The following SLC30A5 variants were observed in gnomAD, a reference collection of about 807,000 sequenced individuals.
SLC30A5 encodes solute carrier family 30 member 5.
Under a neutral mutation model 79.6 loss-of-function variants are expected in SLC30A5, and 33 were observed. That is an observed-to-expected ratio of 0.41 (90% CI 0.31 to 0.55). SLC30A5 has a LOEUF of 0.55. Ranked by LOEUF, SLC30A5 falls within the 20% of genes least tolerant of loss-of-function variation. SLC30A5 has a pLI of 0.20. For missense variants in SLC30A5, 788 were observed against 928.1 expected, an observed-to-expected ratio of 0.85 and a Z score of 1.96; for synonymous variants, 299 against 319.7, an observed-to-expected ratio of 0.94 and a Z score of 0.69.
At chr5:69,098,387 A>G (rs560032693) in intron 1 of SLC30A5, among the ~76,000 whole-genome samples, 8 of 152,218 alleles carry the variant, frequency 5.3e-5, no homozygotes, top group Non-Finnish European at 1.2e-4. Flanking sequence ...TTAGCCTGAC[A>G]TGGTGGCAGG....
chr5:69,096,193 C>G (rs74510059), intron 1 of SLC30A5, among the ~76,000 whole-genome samples: 4,127 of 152,254 alleles, frequency 0.027, 179 homozygotes, highest in African/African-American at 0.093. Flanking sequence ...GTAACTTACT[C>G]TCAAATAGTC....
chr5:69,100,959 ATTT>A, intron 2 of SLC30A5, 30 bp downstream of exon 2: 2 of 1,529,344 alleles, frequency 1.3e-6, no homozygotes, highest in Non-Finnish European at 1.8e-6. Context: ...TTTTCTTGAT[ATTT>A]TTTATTTCTT....
rs528306987 is a variant in SLC30A5, at chr5:69,094,055, A to C, written c.-201A>C. Reference sequence around the variant, plus strand: ...CTTCCCGGGAACCTGGCGCCGCCGGAACTGATCGCGGCCTAGTCCCGACGC... The same window carrying C: ...CTTCCCGGGAACCTGGCGCCGCCGGCACTGATCGCGGCCTAGTCCCGACGC... On this transcript the variant is annotated 5_prime_UTR_variant, in exon 1 of 16. Coordinates refer to ENST00000396591, the MANE Select transcript of SLC30A5 (RefSeq NM_022902.5). 1 of 396,096 alleles carries C rather than the reference A, an allele frequency of 2.5e-6. No homozygotes were observed. The highest frequency in any genetic ancestry group is 2.1e-5 in the African/African-American group (1 of 48,508). 24.5% of individuals were successfully genotyped at this position (396,096 alleles called of 1,614,324 possible). A position where few individuals can be genotyped will look rare whatever the true frequency, so the allele number is the denominator to read the frequency against.
intron 14 of SLC30A5, among the ~76,000 whole-genome samples, chr5:69,127,188 CAAAT>C (rs1168667456): frequency 6.6e-6 from 1 of 152,092 alleles, no homozygotes; most frequent in Non-Finnish European, 1.5e-5. Context: ...CTCTATATAA[CAAAT>C]AATGTGCATA....
Position 69,123,290 on chromosome 5 carries a change from T to C in SLC30A5, c.1863T>C (p.Ala621=), listed in dbSNP as rs769348556. Residue 621 remains alanine (A), a synonymous_variant, in exon 14 of 16, where the codon GCT becomes GCC. Coordinates refer to ENST00000396591, the MANE Select transcript of SLC30A5 (RefSeq NM_022902.5). The part of the protein sequence containing the change: ...VLIEQFGWFI[A]DPLCSLFIAI... ...TAGAGCAGTTTGGATGGTTCATCGC[T>C]GACCCACTCTGTTCTCTTTTTATTG... 4 of 1,614,100 alleles carry C rather than the reference T, an allele frequency of 2.5e-6. No individual in the cohort carries two copies. In the South Asian group the frequency reaches 4.4e-5, roughly 18 times the overall value.
chr5:69,107,121 C>T (rs752849095), intron 4 of SLC30A5, among the ~76,000 whole-genome samples: 1 of 152,176 alleles, frequency 6.6e-6, no homozygotes, highest in Non-Finnish European at 1.5e-5. Flanking sequence ...TCTCACCCTC[C>T]CAAAGTGCTG....
At chr5:69,096,669 C>T (rs539856785) in intron 1 of SLC30A5, among the ~76,000 whole-genome samples, 1 of 152,192 alleles carries the variant, frequency 6.6e-6, no homozygotes, top group Non-Finnish European at 1.5e-5. Flanking sequence ...CCAGAAGGAC[C>T]CTTCTGGAAA....
chr5:69,123,594 A>C, intron 14 of SLC30A5, 169 bp downstream of exon 14: 1 of 588,492 alleles, frequency 1.7e-6, no homozygotes, highest in Non-Finnish European at 3.0e-6. Context: ...GAAATATGCA[A>C]GATATAAATG....
Position 69,116,485 on chromosome 5 carries a change from G to C in SLC30A5, c.1164G>C (p.Met388Ile), listed in dbSNP as rs1746376593. 1.2e-6 allele frequency: 2 copies of C among 1,612,506 alleles called. No homozygotes were observed. Among genetic ancestry groups the C allele is most frequent in the African/African-American group, 2.7e-5 (2 of 74,868 alleles). The stretch of plus-strand genomic sequence containing the variant: ...AAGGAACACCTCTTTATAACTTCAT[G>C]GGTGATGCTTTTCAGCATAGCTCTC... ...SPEGTPLYNFMGDAFQHSSQS... is the reference protein window; with the variant it reads ...SPEGTPLYNFIGDAFQHSSQS... The change falls in exon 10 of 16, where the codon ATG (methionine) becomes ATC (isoleucine). Residue 388 changes from methionine to isoleucine, a missense_variant. Physicochemically the swap from Met to Ile is conservative, Grantham distance 10. Transcript: ENST00000396591. This position sits in a 1 kb window ranked among gnomAD's most constrained non-coding sequence, Gnocchi z 4.0.
intron 12 of SLC30A5, 113 bp downstream of exon 12, chr5:69,118,741 A>G: frequency 1.4e-6 from 1 of 738,744 alleles, no homozygotes; most frequent in Non-Finnish European, 2.0e-6. Flanking sequence ...TTTTTTACTT[A>G]TATCAACATA....
intron 14 of SLC30A5, among the ~76,000 whole-genome samples, chr5:69,124,301 A>G (rs1217910389): frequency 6.6e-6 from 1 of 152,036 alleles, no homozygotes; most frequent in Non-Finnish European, 1.5e-5. Context: ...ATGAAAATAA[A>G]TGAAGAATTA....
intron 2 of SLC30A5, among the ~76,000 whole-genome samples, chr5:69,101,847 C>T (rs1330727019): frequency 6.6e-6 from 1 of 150,458 alleles, no homozygotes; most frequent in Non-Finnish European, 1.5e-5. Context: ...ATCCCAGCTA[C>T]AAGGGGTGCT....
chr5:69,094,377 G>C (rs536999216), intron 1 of SLC30A5, 39 bp downstream of exon 1: 1 of 1,242,886 alleles, frequency 8.0e-7, no homozygotes, highest in Admixed American at 4.2e-5. Context: ...CGGCCGGGTC[G>C]CTCAGGATGC....
At chr5:69,102,082 C>CT (rs1561287705) in intron 2 of SLC30A5, among the ~76,000 whole-genome samples, 2 of 103,470 alleles carry the variant, frequency 1.9e-5, no homozygotes, top group Non-Finnish European at 3.5e-5. Context: ...TTGAGACAGT[C>CT]TGGCTAGGTT....
At chr5:69,120,494 G>A (rs75015937) in intron 12 of SLC30A5, among the ~76,000 whole-genome samples, 378 of 152,266 alleles carry the variant, frequency 2.5e-3, no homozygotes, top group African/African-American at 8.8e-3. Flanking sequence ...CATTTTAAGC[G>A]TGACTAACCC....
In SLC30A5 at chr5:69,116,064, C is replaced by G. The variant is rs1454625749; in HGVS notation, c.922C>G (p.Pro308Ala). The change falls in exon 9 of 16, where the codon CCC (proline) becomes GCC (alanine). Residue 308 changes from proline to alanine, a missense_variant. This residue lies in a region of SLC30A5 where 626 missense variants were observed against 755.5 expected (regional missense o/e 0.83). Transcript: ENST00000396591. The surrounding 1 kb of genome is among the most constrained non-coding windows in gnomAD (Gnocchi z 4.0). ...VSKCARYGSF[P>A]IFISALLFGN... ...CAAATGTGCTCGTTATGGATCCTTT[C>G]CCATTTTTATTAGTGCTCTCCTTTT... 1 of 1,614,100 alleles carries G rather than the reference C, an allele frequency of 6.2e-7. No homozygotes were observed.
At chr5:69,129,391 G>T in intron 15 of SLC30A5, 56 bp from the exon 16 acceptor site, 1 of 1,281,702 alleles carries the variant, frequency 7.8e-7, no homozygotes. Flanking sequence ...ATATTAAGAC[G>T]TGTGTACTAA....
intron 7 of SLC30A5, 96 bp from the exon 8 acceptor site, chr5:69,115,134 GGAAAAAA>G: frequency 1.5e-6 from 1 of 659,954 alleles, no homozygotes; most frequent in Non-Finnish European, 2.3e-6. Context: ...CTGTCTCTGG[GGAAAAAA>G]AAAAAAAAAA....
chr5:69,123,330 C>A lies in SLC30A5; in HGVS notation c.1903C>A (p.Leu635Ile), dbSNP rs764666917. 6.2e-7 allele frequency: 1 copy of A among 1,613,766 alleles called. No homozygotes were observed. Among genetic ancestry groups the A allele is most frequent in the Non-Finnish European group, 8.5e-7 (1 of 1,179,698 alleles). Residue 635 changes from leucine (L) to isoleucine (I), a missense_variant, in exon 14 of 16, where the codon CTC becomes ATC. Physicochemically the swap from Leu to Ile is conservative, Grantham distance 5. This residue lies in a region of SLC30A5 where 158 missense variants were observed against 156.2 expected (regional missense o/e 1.01). Coordinates refer to ENST00000396591, the MANE Select transcript of SLC30A5 (RefSeq NM_022902.5). Reference protein sequence around the residue: ...CSLFIAILIFLSVVPLIKDAC... With the variant: ...CSLFIAILIFISVVPLIKDAC... ...TCTTTTTATTGCTATATTAATATTT[C>A]TCAGTGTTGTTCCACTGATTAAAGA...
Sources: gnomAD v4.1 joint callset for allele counts (sites outside exome capture counted in the v4.1 genomes callset) on GRCh38, gnomAD v4.1.1 for gene constraint, gnomAD v4.1.1 regional missense constraint, Gnocchi (gnomAD v3.1) non-coding constraint, MANE v1.5 for transcripts, NCBI Gene and HGNC (gene_info 2026-07-23, HGNC 2026-07-21) for gene names.